Variants in CBFB observed in about 807,000 individuals in gnomAD.
CBFB encodes CBF-beta.
A neutral mutation model predicts 30.4 loss-of-function variants in CBFB; 9 were observed. The observed-to-expected ratio is 0.30, with a 90% confidence interval of 0.18 to 0.52. CBFB has a LOEUF of 0.52. CBFB is among the 20% of genes least tolerant of loss of function. CBFB has a pLI of 0.97. For missense variants in CBFB, 170 were observed against 244.0 expected (o/e 0.70, Z 2.02); for synonymous variants, 94 against 84.0 (o/e 1.12, Z -0.65).
chr16:67,048,855 T>G (rs1329156995), intron 3 of CBFB, among the ~76,000 whole-genome samples: 3 of 143,414 alleles, frequency 2.1e-5, no homozygotes, highest in Admixed American at 7.1e-5. Flanking sequence ...AGTTTCACTC[T>G]TGTTGTCCAG....
At chr16:67,055,246 A>G (rs749711439) in intron 3 of CBFB, among the ~76,000 whole-genome samples, 3 of 151,700 alleles carry the variant, frequency 2.0e-5, no homozygotes, top group African/African-American at 4.8e-5. Flanking sequence ...TGGAGGGTCT[A>G]ATTTATTCTT....
chr16:67,058,371 C>T (rs1441434166), intron 3 of CBFB, among the ~76,000 whole-genome samples: 1 of 152,146 alleles, frequency 6.6e-6, no homozygotes, highest in East Asian at 1.9e-4. Flanking sequence ...CAACTCCTGA[C>T]CTCAAGTGAT....
At chr16:67,067,379 A>G (rs1961091068) in intron 4 of CBFB, among the ~76,000 whole-genome samples, 1 of 152,040 alleles carries the variant, frequency 6.6e-6, no homozygotes, top group Non-Finnish European at 1.5e-5. Context: ...TTAGCCAGGC[A>G]TGGTGGTGCA....
chr16:67,039,379 G>A (rs961564768), intron 3 of CBFB, among the ~76,000 whole-genome samples: 1 of 152,194 alleles, frequency 6.6e-6, no homozygotes, highest in Non-Finnish European at 1.5e-5. Context: ...TTGCAGGACT[G>A]GAAGTTGCTC....
chr16:67,066,551 C>A, intron 3 of CBFB, 131 bp from the exon 4 acceptor site: 1 of 517,392 alleles, frequency 1.9e-6, no homozygotes, highest in Non-Finnish European at 3.5e-6. Flanking sequence ...CACAGCGAAA[C>A]TCCATCTCAA....
intron 5 of CBFB, among the ~76,000 whole-genome samples, chr16:67,090,568 T>C (rs904415656): frequency 6.6e-6 from 1 of 152,238 alleles, no homozygotes; most frequent in Non-Finnish European, 1.5e-5. Flanking sequence ...ACTTGTACAC[T>C]AGTCTCTGTT....
At chr16:67,029,974 G>A in intron 2 of CBFB, 161 bp downstream of exon 2, 1 of 486,692 alleles carries the variant, frequency 2.1e-6, no homozygotes, top group Non-Finnish European at 3.5e-6. Context: ...CAGATGCCGC[G>A]GGCCGGTACT....
chr16:67,061,000 A>G (rs1960896496), intron 3 of CBFB, among the ~76,000 whole-genome samples: 1 of 152,226 alleles, frequency 6.6e-6, no homozygotes, highest in African/African-American at 2.4e-5. Flanking sequence ...TATGGGTGAT[A>G]CCACAGTTGA....
In CBFB at chr16:67,068,189, A is replaced by G. The variant is rs896883441; in HGVS notation, c.399+1391A>G. Among the ~76,000 whole-genome samples, 88 of 152,328 alleles carry G rather than the reference A, an allele frequency of 5.8e-4. 1 individual carries two copies. Among genetic ancestry groups the G allele is most frequent in the African/African-American group, 2.0e-3 (83 of 41,572 alleles). ...ACAACCCCCCAGAAAGCAAGACTTA[A>G]AAAAGACAGCTGTGCGCAGTGGCTC... On this transcript the variant is annotated intron_variant, in intron 4 of 5. Coordinates refer to ENST00000412916, the MANE Select transcript of CBFB (RefSeq NM_022845.3).
intron 3 of CBFB, among the ~76,000 whole-genome samples, chr16:67,041,286 A>G (rs2145719486): frequency 6.6e-6 from 1 of 152,252 alleles, no homozygotes; most frequent in East Asian, 1.9e-4. Context: ...GTTTTGACAG[A>G]CTCATGCTAG....
At chr16:67,083,703 C>G (rs1308305787) in intron 5 of CBFB, among the ~76,000 whole-genome samples, 6 of 152,102 alleles carry the variant, frequency 3.9e-5, no homozygotes, top group Admixed American at 3.9e-4. Context: ...TTTTTCCCCC[C>G]ACTTTTTTAA....
chr16:67,068,837 TAAAGG>T (rs1392660240), intron 4 of CBFB, among the ~76,000 whole-genome samples: 3 of 152,196 alleles, frequency 2.0e-5, no homozygotes, highest in African/African-American at 7.2e-5. Context: ...CTTTTAATGT[TAAAGG>T]AAATTATGAT....
At chr16:67,098,224 C>T (rs919282005) in intron 5 of CBFB, among the ~76,000 whole-genome samples, 1 of 152,180 alleles carries the variant, frequency 6.6e-6, no homozygotes, top group Non-Finnish European at 1.5e-5. Flanking sequence ...CAACCTCCAC[C>T]TCCCAGGTTC....
In CBFB at chr16:67,029,496, C is replaced by A; in HGVS notation, c.78+11C>A. ...AGCCGCGAGTGTGAGGTGAGGCAGG[C>A]GGGCGGGCGGCTAGGAGGCCGCAGC... On this transcript the variant is annotated intron_variant, in intron 1 of 5. Coordinates refer to ENST00000412916, the MANE Select transcript of CBFB (RefSeq NM_022845.3). 1 of 1,580,862 alleles carries A rather than the reference C, an allele frequency of 6.3e-7. No individual in the cohort carries two copies. Among genetic ancestry groups the A allele is most frequent in the South Asian group, 1.1e-5 (1 of 87,034 alleles).
At chr16:67,039,701 A>G (rs991863163) in intron 3 of CBFB, among the ~76,000 whole-genome samples, 9 of 152,282 alleles carry the variant, frequency 5.9e-5, no homozygotes, top group Non-Finnish European at 1.2e-4. Flanking sequence ...ACATTTTATT[A>G]ATACTGGTTT....
intron 3 of CBFB, among the ~76,000 whole-genome samples, chr16:67,039,462 G>T (rs897179236): frequency 6.6e-6 from 1 of 152,040 alleles, no homozygotes; most frequent in African/African-American, 2.4e-5. Flanking sequence ...TGCTTAGGCC[G>T]CACTAAATCT....
intron 4 of CBFB, 84 bp from the exon 5 acceptor site, chr16:67,082,129 G>GA (rs36017652): frequency 0.23 from 197,112 of 851,546 alleles, 364 homozygotes; most frequent in Non-Finnish European, 0.24. Context: ...ACTGTTTCAG[G>GA]AAAAAAAAAA....
At chr16:67,039,111 G>C (rs563752411) in intron 3 of CBFB, among the ~76,000 whole-genome samples, 1 of 152,290 alleles carries the variant, frequency 6.6e-6, no homozygotes, top group African/African-American at 2.4e-5. Context: ...TTTTATCATT[G>C]TGTATATATA....
chr16:67,043,076 A>G (rs781118546), intron 3 of CBFB, among the ~76,000 whole-genome samples: 22 of 152,160 alleles, frequency 1.4e-4, no homozygotes, highest in Non-Finnish European at 3.2e-4. Flanking sequence ...TCACTTTCAT[A>G]CCTTTTATGA....
Sources: gnomAD v4.1 joint callset for allele counts (sites outside exome capture counted in the v4.1 genomes callset) on GRCh38, gnomAD v4.1.1 for gene constraint, MANE v1.5 for transcripts, NCBI Gene and HGNC (gene_info 2026-07-23, HGNC 2026-07-21) for gene names.